Variants in TRPM3 observed in about 807,000 individuals in gnomAD.
TRPM3 encodes transient receptor potential cation channel subfamily M member 3, also known as long transient receptor potential channel 3.
In TRPM3, 77 loss-of-function variants were observed where a neutral mutation model predicts 181.2. The ratio of observed to expected loss-of-function variants is 0.42; its 90% confidence interval spans 0.35 to 0.51. The LOEUF (loss-of-function observed/expected upper bound fraction) is 0.51, where lower values mean the gene tolerates loss of function less well. TRPM3 is among the 20% of genes least tolerant of loss of function. TRPM3 has a pLI of 0.01. For synonymous variants in TRPM3, 745 were observed against 796.4 expected, an observed-to-expected ratio of 0.94 and a Z score of 1.09; for missense variants, 1,759 against 2,196.7, an observed-to-expected ratio of 0.80 and a Z score of 3.98.
Position 70,899,444 on chromosome 9 carries a change from C to T in TRPM3, c.178-34933G>A, listed in dbSNP as rs77464683. Reference sequence around the variant, plus strand: ...TCTTTTCCTTACTCATCTCTCATTACGTCCTTCCTTCACATCTTACACTTG... The same window carrying T: ...TCTTTTCCTTACTCATCTCTCATTATGTCCTTCCTTCACATCTTACACTTG... On this transcript the variant is annotated intron_variant, in intron 1 of 25. Transcript: ENST00000677713. Among the ~76,000 whole-genome samples the T allele has an allele frequency of 9.2e-3, 1,407 of 152,262 alleles. 17 individuals carry two copies. The highest frequency in any genetic ancestry group is 0.032 in the African/African-American group (1,331 of 41,528).
intron 6 of TRPM3, among the ~76,000 whole-genome samples, chr9:70,824,084 C>A (rs1291339857): frequency 6.6e-6 from 1 of 152,154 alleles, no homozygotes; most frequent in East Asian, 1.9e-4. Flanking sequence ...GTCTCCTGAA[C>A]AGGATTCATT....
At position 71,210,955 on chromosome 9, in the gene TRPM3, A is replaced by G. The variant is rs145993799; in HGVS notation, c.183+235698T>C. Among the ~76,000 whole-genome samples, 1,152 of 152,318 alleles carry G rather than the reference A, an allele frequency of 7.6e-3. 20 individuals carry two copies. Among genetic ancestry groups the G allele is most frequent in the African/African-American group, 0.026 (1,078 of 41,574 alleles). ...CTCTTCATTATCTTAAGAGGGAACCAGCTCAATTGGATTAGGGCTCCACCC... is the reference window on the plus strand; with the variant it reads ...CTCTTCATTATCTTAAGAGGGAACCGGCTCAATTGGATTAGGGCTCCACCC... On this transcript the variant is annotated intron_variant, in intron 1 of 24. Coordinates refer to the TRPM3 transcript ENST00000357533.
chr9:70,900,341 A>C (rs990441743), intron 1 of TRPM3, among the ~76,000 whole-genome samples: 6 of 152,030 alleles, frequency 3.9e-5, no homozygotes, highest in Admixed American at 3.9e-4. Flanking sequence ...ACTCTGTCTC[A>C]AAAACAAAAC....
At chr9:70,998,250 C>CACACAT (rs1319999787) in intron 1 of TRPM3, among the ~76,000 whole-genome samples, 1 of 129,400 alleles carries the variant, frequency 7.7e-6, no homozygotes, top group Admixed American at 8.0e-5. Context: ...CACACACACA[C>CACACAT]ATATATATAT....
chr9:70,813,574 T>G (rs1686455997), intron 6 of TRPM3, among the ~76,000 whole-genome samples: 1 of 152,074 alleles, frequency 6.6e-6, no homozygotes, highest in African/African-American at 2.4e-5. Flanking sequence ...TCTGGGGTGA[T>G]GGGATCAATA....
rs779152887 is a variant in TRPM3, at chr9:71,111,147, A to ATGAT, written c.177+10027_177+10030dup. Among the ~76,000 whole-genome samples, 8 of 152,228 alleles carry ATGAT rather than the reference A, an allele frequency of 5.3e-5. No individual in the cohort carries two copies. The East Asian group carries it at 1.3e-3, about 26-fold the overall frequency. ...GTTACATTCGATTTTCTTACAAGAG[A>ATGAT]TGATTGACAATAAGATGAGAAAATG... On this transcript the variant is annotated intron_variant, in intron 1 of 25. Transcript: ENST00000677713.
intron 25 of TRPM3, among the ~76,000 whole-genome samples, chr9:70,541,081 T>C (rs1314763832): frequency 1.3e-5 from 2 of 151,936 alleles, no homozygotes; most frequent in African/African-American, 2.4e-5. Context: ...ACTGGACACA[T>C]AAAGTGAGTA....
intron 8 of TRPM3, among the ~76,000 whole-genome samples, chr9:70,683,232 TTTTTTGAGA>T (rs1409537616): frequency 6.6e-6 from 1 of 152,006 alleles, no homozygotes; most frequent in Admixed American, 6.6e-5. Flanking sequence ...GAAAACAATT[TTTTTTGAGA>T]CAAGGTCTTT....
intron 1 of TRPM3, among the ~76,000 whole-genome samples, chr9:70,881,804 A>G (rs984377478): frequency 1.3e-5 from 2 of 152,148 alleles, no homozygotes; most frequent in African/African-American, 4.8e-5. Flanking sequence ...ATTGCTCTCA[A>G]GTGACCAAAC....
intron 8 of TRPM3, among the ~76,000 whole-genome samples, chr9:70,752,551 AG>A (rs1341339586): frequency 2.0e-5 from 3 of 152,250 alleles, no homozygotes; most frequent in Non-Finnish European, 4.4e-5. Context: ...TGATACATTT[AG>A]CTGCAGTCAT....
intron 1 of TRPM3, among the ~76,000 whole-genome samples, chr9:70,925,539 T>C (rs2993020): frequency 1.3e-5 from 2 of 150,192 alleles, no homozygotes; most frequent in Non-Finnish European, 2.9e-5. Flanking sequence ...TGGAAAAAAA[T>C]ATATATATAT....
At position 70,532,703 on chromosome 9, in the gene TRPM3, T is replaced by C. The variant is rs1205982564; in HGVS notation, c.*3250A>G. 1 of 152,186 alleles carries C rather than the reference T, an allele frequency of 6.6e-6. No homozygotes were observed. The highest frequency in any genetic ancestry group is 1.5e-5 in the Non-Finnish European group (1 of 68,038). 9.4% of individuals were successfully genotyped at this position (152,186 alleles called of 1,614,324 possible). ...CATTACATATAGTAGTATGTAAAAATTGGCACCTTTGAAGCAGATGATTAA... is the reference window on the plus strand; with the variant it reads ...CATTACATATAGTAGTATGTAAAAACTGGCACCTTTGAAGCAGATGATTAA... On this transcript the variant is annotated 3_prime_UTR_variant, in exon 26 of 26. Coordinates refer to ENST00000677713, the MANE Select transcript of TRPM3 (RefSeq NM_001366145.2).
At chr9:70,630,705 A>G (rs1354092311) in intron 12 of TRPM3, among the ~76,000 whole-genome samples, 1 of 152,164 alleles carries the variant, frequency 6.6e-6, no homozygotes, top group African/African-American at 2.4e-5. Flanking sequence ...CTGAACTATT[A>G]TTTCCCATTT....
At chr9:71,231,874 C>G (rs1443202974) in intron 1 of TRPM3, among the ~76,000 whole-genome samples, 1 of 152,112 alleles carries the variant, frequency 6.6e-6, no homozygotes, top group Non-Finnish European at 1.5e-5. Flanking sequence ...TGCCAAACCT[C>G]AGTGATGTAT....
At chr9:70,973,266 G>A (rs1373285062) in intron 1 of TRPM3, among the ~76,000 whole-genome samples, 2 of 152,096 alleles carry the variant, frequency 1.3e-5, no homozygotes, top group Non-Finnish European at 2.9e-5. Flanking sequence ...TACTGACAAG[G>A]CCACTGCTTA....
At chr9:71,438,336 G>T (rs1369410008) in intron 1 of TRPM3, among the ~76,000 whole-genome samples, 1 of 152,130 alleles carries the variant, frequency 6.6e-6, no homozygotes, top group African/African-American at 2.4e-5. Flanking sequence ...GTATTAAGAA[G>T]TTTTTTTTAA....
intron 1 of TRPM3, among the ~76,000 whole-genome samples, chr9:71,349,669 C>A (rs1269699271): frequency 6.6e-6 from 1 of 152,124 alleles, no homozygotes; most frequent in East Asian, 1.9e-4. Context: ...TTACAATCAA[C>A]AATCATTCAA....
chr9:71,397,274 C>T (rs1184551835), intron 1 of TRPM3, among the ~76,000 whole-genome samples: 2 of 152,046 alleles, frequency 1.3e-5, no homozygotes, highest in African/African-American at 2.4e-5. Context: ...AGGGAAAATA[C>T]ATTTTGTTTG....
rs528923325 is a variant in TRPM3 at position 71,165,312 on chromosome 9, TCACTG to T, written c.183+281336_183+281340del. Among the ~76,000 whole-genome samples, 71 of 152,304 alleles carry T rather than the reference TCACTG, an allele frequency of 4.7e-4. No individual in the cohort carries two copies. In the East Asian group the frequency reaches 0.013, roughly 28 times the overall value. On this transcript the variant is annotated intron_variant, in intron 1 of 24. Coordinates refer to the TRPM3 transcript ENST00000357533. Reference sequence around the variant, plus strand: ...GTGCCTGGTCTATAGATAGTAAGCATCACTGAAGTGTTTGCTTATTATTACTGCTG... The same window carrying T: ...GTGCCTGGTCTATAGATAGTAAGCATAAGTGTTTGCTTATTATTACTGCTG...
Sources: gnomAD v4.1 joint callset for allele counts (sites outside exome capture counted in the v4.1 genomes callset) on GRCh38, gnomAD v4.1.1 for gene constraint, MANE v1.5 for transcripts, NCBI Gene and HGNC (gene_info 2026-07-23, HGNC 2026-07-21) for gene names.